The following NDC80 variants were observed in gnomAD, a reference collection of about 807,000 sequenced individuals.
NDC80 encodes the protein NDC80 kinetochore complex component, also known as kinetochore protein NDC80 homolog.
In NDC80, 69 loss-of-function variants were observed where a neutral mutation model predicts 89.3. The ratio of observed to expected loss-of-function variants is 0.77; its 90% CI spans 0.64 to 0.94. NDC80 has a LOEUF of 0.94. Among genes scored for constraint, NDC80 ranks in the 40% least tolerant of loss-of-function variants. The pLI, the probability that NDC80 is intolerant of heterozygous loss-of-function variation, is 0.00. For synonymous variants in NDC80, 243 were observed against 255.6 expected (o/e 0.95, Z 0.47); for missense variants, 593 against 739.6 (o/e 0.80, Z 2.30).
intron 3 of NDC80, among the ~76,000 whole-genome samples, chr18:2,576,100 A>T (rs969106877): frequency 1.3e-5 from 2 of 152,198 alleles, no homozygotes; most frequent in Non-Finnish European, 2.9e-5. Context: ...CCCTGTCTCA[A>T]AAAAATAAAT....
intron 13 of NDC80, among the ~76,000 whole-genome samples, chr18:2,604,850 G>A (rs2072701900): frequency 1.3e-5 from 2 of 152,134 alleles, no homozygotes; most frequent in Admixed American, 1.3e-4. Context: ...TATAAGTAAG[G>A]AAATAACAAT....
chr18:2,589,217 T>C lies in NDC80; in HGVS notation c.777T>C (p.Asn259=). Residue 259 remains asparagine, a synonymous_variant, in exon 9 of 17, where the codon AAT becomes AAC. Coordinates refer to ENST00000261597, the MANE Select transcript of NDC80 (RefSeq NM_006101.3). ...TTTTGTCTCCAGAGGATTTATTTAATGTGGATGCTTTTAAGCTGGAATCAT... is the reference window on the plus strand; with the variant it reads ...TTTTGTCTCCAGAGGATTTATTTAACGTGGATGCTTTTAAGCTGGAATCAT... ...ELQSKLKDLF[N]VDAFKLESLE... 6.2e-7 allele frequency: 1 copy of C among 1,611,044 alleles called. No individual in the cohort carries two copies. Among genetic ancestry groups the C allele is most frequent in the Non-Finnish European group, 8.5e-7 (1 of 1,177,370 alleles).
At chr18:2,604,812 C>T (rs2072701727) in intron 13 of NDC80, among the ~76,000 whole-genome samples, 1 of 152,086 alleles carries the variant, frequency 6.6e-6, no homozygotes, top group Admixed American at 6.5e-5. Flanking sequence ...TTTTTGTATT[C>T]TTTAGGCAGT....
At position 2,616,488 on chromosome 18, in the gene NDC80, A is replaced by G. The variant is rs752638963; in HGVS notation, c.1843A>G (p.Met615Val). The G allele has an allele frequency of 2.9e-5, 45 of 1,537,594 alleles. No individual in the cohort carries two copies. The highest frequency in any genetic ancestry group is 4.9e-5 in the South Asian group (4 of 81,658). ...AGTTGATAGAGAATATGAAGAATGCATGTCAGAAGATCTCTCGGAAAATAT... is the reference window on the plus strand; with the variant it reads ...AGTTGATAGAGAATATGAAGAATGCGTGTCAGAAGATCTCTCGGAAAATAT... Reference protein sequence around the residue: ...AKVDREYEECMSEDLSENIKE... With the variant: ...AKVDREYEECVSEDLSENIKE... Residue 615 changes from methionine (M) to valine (V), a missense_variant, in exon 17 of 17, where the codon ATG becomes GTG. Physicochemically the swap from Met to Val is conservative, Grantham distance 21. Transcript: ENST00000261597.
intron 12 of NDC80, among the ~76,000 whole-genome samples, chr18:2,600,069 T>C (rs1457880573): frequency 2.0e-5 from 3 of 152,186 alleles, no homozygotes; most frequent in East Asian, 1.9e-4. Flanking sequence ...AATCTATCTA[T>C]AGATAGGCAG....
chr18:2,600,469 T>G (rs2072678642), intron 12 of NDC80, among the ~76,000 whole-genome samples: 1 of 151,702 alleles, frequency 6.6e-6, no homozygotes, highest in South Asian at 2.1e-4. Context: ...ACTAGCCGGG[T>G]GTGGTGGTGC....
At chr18:2,611,071 G>A (rs559351002) in intron 16 of NDC80, among the ~76,000 whole-genome samples, 52 of 127,068 alleles carry the variant, frequency 4.1e-4, no homozygotes, top group African/African-American at 8.6e-4. Flanking sequence ...TTTTTGAGAC[G>A]GAGTTTCACT....
At chr18:2,574,201 C>T (rs893853777) in intron 2 of NDC80, among the ~76,000 whole-genome samples, 10 of 152,092 alleles carry the variant, frequency 6.6e-5, no homozygotes, top group Non-Finnish European at 1.5e-4. Flanking sequence ...AAAATGGATG[C>T]TAGAGGCTAG....
chr18:2,582,920 A>G (rs937794938), intron 6 of NDC80: 1 of 152,222 alleles, frequency 6.6e-6, no homozygotes, highest in African/African-American at 2.4e-5. Flanking sequence ...ATAATAATTT[A>G]GCTAAAGTTA....
At chr18:2,589,332 CT>C in intron 9 of NDC80, 22 bp downstream of exon 9, 1 of 1,521,968 alleles carries the variant, frequency 6.6e-7, no homozygotes, top group Non-Finnish European at 9.1e-7. Context: ...TGTTTACACA[CT>C]TACTTGAGAG....
Position 2,608,729 on chromosome 18 carries a change from C to T in NDC80, c.1587C>T (p.Ala529=). Residue 529 remains alanine (A), a synonymous_variant, in exon 15 of 17, where the codon GCC becomes GCT. Coordinates refer to ENST00000261597, the MANE Select transcript of NDC80 (RefSeq NM_006101.3). ...KEAEEEDEKC[A]SELESLEKHK... is the part of the protein sequence containing the mutation. ...CAGAGGAAGAGGATGAAAAATGTGC[C>T]AGTGAGCTTGAGTCCTTGGAGAAAC... 1 of 1,612,530 alleles carries T rather than the reference C, an allele frequency of 6.2e-7. No individual in the cohort carries two copies. Among genetic ancestry groups the T allele is most frequent in the Non-Finnish European group, 8.5e-7 (1 of 1,178,880 alleles).
chr18:2,573,874 A>T (rs948606113), intron 2 of NDC80, among the ~76,000 whole-genome samples: 1 of 152,202 alleles, frequency 6.6e-6, no homozygotes, highest in South Asian at 2.1e-4. Context: ...CACCATTGTC[A>T]ATGTTTTTTT....
rs2072555386 is a variant in NDC80, at chr18:2,577,871, T to C, written c.303+2T>C. The C allele has an allele frequency of 6.2e-7, 1 of 1,613,228 alleles. No homozygotes were observed. The highest frequency in any genetic ancestry group is 1.3e-5 in the African/African-American group (1 of 74,890). ...CAGTGTATTCGACAACTCTGTGAGG[T>C]ACTTTAGGATTTTAATCTAAACTGT... On this transcript the variant is annotated splice_donor_variant, in intron 4 of 16. Coordinates refer to ENST00000261597, the MANE Select transcript of NDC80 (RefSeq NM_006101.3). LOFTEE classifies it high-confidence loss of function.
intron 9 of NDC80, 106 bp downstream of exon 9, chr18:2,589,416 T>TA: frequency 1.3e-6 from 1 of 769,788 alleles, no homozygotes; most frequent in Non-Finnish European, 2.1e-6. Flanking sequence ...ATTAACAAAT[T>TA]AAGCTTCTTA....
At chr18:2,605,987 T>A (rs2072709450) in intron 13 of NDC80, among the ~76,000 whole-genome samples, 1 of 152,060 alleles carries the variant, frequency 6.6e-6, no homozygotes, top group Non-Finnish European at 1.5e-5. Flanking sequence ...AAACATCCAA[T>A]AAAATTAATA....
At chr18:2,585,080 T>A in intron 6 of NDC80, 33 bp from the exon 7 acceptor site, 1 of 1,540,320 alleles carries the variant, frequency 6.5e-7, no homozygotes, top group Non-Finnish European at 8.9e-7. Context: ...GTTTTTCAGA[T>A]CAACTTGCTT....
chr18:2,610,756 C>T lies in NDC80; in HGVS notation c.1689-3C>T. On this transcript the variant is annotated splice_region_variant and splice_polypyrimidine_tract_variant and intron_variant, in intron 15 of 16. Transcript: ENST00000261597. ...AACTTAAACAAGAGTTTTTGTTCTA[C>T]AGATACCAACTAGTTGTGCAAACCA... The T allele has an allele frequency of 6.4e-7, 1 of 1,572,290 alleles. No homozygotes were observed. The highest frequency in any genetic ancestry group is 1.4e-5 in the African/African-American group (1 of 74,000).
At chr18:2,589,829 GTT>G (rs55792141) in intron 9 of NDC80, among the ~76,000 whole-genome samples, 187 bp from the exon 10 acceptor site, 42 of 130,774 alleles carry the variant, frequency 3.2e-4, no homozygotes, top group Middle Eastern at 3.7e-3. Flanking sequence ...AGCAATTGTG[GTT>G]TTTTTTTTTT....
chr18:2,582,610 A>G (rs1461262539), intron 6 of NDC80: 1 of 152,192 alleles, frequency 6.6e-6, no homozygotes, highest in Non-Finnish European at 1.5e-5. Flanking sequence ...GTTTAGTATG[A>G]TATATTCAGT....
Sources: allele counts gnomAD v4.1 joint callset (sites outside exome capture counted in the v4.1 genomes callset), GRCh38; gene constraint gnomAD v4.1.1; transcripts MANE v1.5; gene names NCBI Gene and HGNC (gene_info 2026-07-23, HGNC 2026-07-21).